Variants in LAMA3 observed in about 807,000 individuals in gnomAD.
The protein encoded by LAMA3 is laminin subunit alpha 3.
LAMA3 carries 281 observed loss-of-function variants against 402.0 expected under a neutral mutation model. The observed-to-expected ratio is 0.70, with a 90% CI of 0.63 to 0.77. The LOEUF (loss-of-function observed/expected upper bound fraction) is 0.77, where lower values mean the gene tolerates loss of function less well. Among genes scored for constraint, LAMA3 ranks in the 30% least tolerant of loss-of-function variants. The probability of loss-of-function intolerance (pLI) is 0.00; values close to 1 mark genes in which losing one functional copy is unlikely to be tolerated. For missense variants in LAMA3, 3,840 were observed against 4,215.5 expected (o/e 0.91, Z 2.47); for synonymous variants, 1,431 against 1,558.4 (o/e 0.92, Z 1.93).
intron 48 of LAMA3, 106 bp from the exon 49 acceptor site, chr18:23,902,894 GTTCAAGAAA>G (rs960327937): frequency 1.3e-4 from 97 of 753,144 alleles, no homozygotes; most frequent in Admixed American, 1.1e-3. Flanking sequence ...CAATGTTCAG[GTTCAAGAAA>G]GCATTCTGAC....
intron 64 of LAMA3, 79 bp from the exon 65 acceptor site, chr18:23,930,983 G>T: frequency 1.5e-6 from 2 of 1,338,438 alleles, no homozygotes; most frequent in Non-Finnish European, 2.1e-6. Flanking sequence ...TACATGGTTT[G>T]GATGATAAAT....
chr18:23,870,967 ATGT>A (rs2064499415), intron 37 of LAMA3, among the ~76,000 whole-genome samples: 2 of 152,224 alleles, frequency 1.3e-5, no homozygotes, highest in Admixed American at 1.3e-4. Flanking sequence ...GGTAAATTTC[ATGT>A]TGTGTGTTTT....
intron 60 of LAMA3, among the ~76,000 whole-genome samples, chr18:23,916,955 C>A (rs1055586674): frequency 4.6e-5 from 7 of 151,254 alleles, no homozygotes; most frequent in Admixed American, 1.3e-4. Context: ...GTTTGGTGCA[C>A]AGATTATTTT....
At chr18:23,697,679 A>T (rs2060708254) in intron 1 of LAMA3, among the ~76,000 whole-genome samples, 1 of 151,566 alleles carries the variant, frequency 6.6e-6, no homozygotes, top group Non-Finnish European at 1.5e-5. Flanking sequence ...TGGTAAGTAT[A>T]ATATAAATAT....
intron 42 of LAMA3, among the ~76,000 whole-genome samples, chr18:23,892,876 T>C: frequency 6.8e-6 from 1 of 146,530 alleles, no homozygotes. Context: ...GCACTCCAGC[T>C]TGGGTGACAA....
chr18:23,847,246 G>T (rs2063837092), intron 31 of LAMA3, among the ~76,000 whole-genome samples: 1 of 152,210 alleles, frequency 6.6e-6, no homozygotes, highest in African/African-American at 2.4e-5. Flanking sequence ...TCCTTGGAGG[G>T]TCTTTCTTGG....
Position 23,847,640 on chromosome 18 carries a change from G to C in LAMA3, c.4108G>C (p.Glu1370Gln), listed in dbSNP as rs1211351433. ...GGGCACCATCGAGGCTGCCATGCCG[G>C]AGTGTGACCGGGACAGCGGGCAGTG... is the stretch of plus-strand genomic sequence containing the variant. The part of the protein sequence containing the change: ...RRGTIEAAMP[E>Q]CDRDSGQCRC... Residue 1370 changes from glutamate (E) to glutamine (Q), a missense_variant, in exon 32 of 75, where the codon GAG (glutamate) becomes CAG (glutamine). This residue lies in a region of LAMA3 where 2,109 missense variants were observed against 2,376.0 expected (regional missense o/e 0.89). Coordinates refer to ENST00000313654, the MANE Select transcript of LAMA3 (RefSeq NM_198129.4). 1 of 1,613,868 alleles carries C rather than the reference G, an allele frequency of 6.2e-7. No homozygotes were observed. The highest frequency in any genetic ancestry group is 8.5e-7 in the Non-Finnish European group (1 of 1,180,024).
chr18:23,774,785 A>T (rs1011588886), intron 9 of LAMA3, among the ~76,000 whole-genome samples: 2 of 152,184 alleles, frequency 1.3e-5, no homozygotes, highest in Non-Finnish European at 2.9e-5. Flanking sequence ...AGATGGATTT[A>T]CTTCTCTCTA....
At chr18:23,731,346 C>T (rs1456546497) in intron 2 of LAMA3, among the ~76,000 whole-genome samples, 1 of 152,166 alleles carries the variant, frequency 6.6e-6, no homozygotes, top group Non-Finnish European at 1.5e-5. Flanking sequence ...TCTTTTAAAA[C>T]ACCCCTCCCA....
At chr18:23,690,096 A>G in intron 1 of LAMA3, 119 bp downstream of exon 1, 1 of 818,820 alleles carries the variant, frequency 1.2e-6, no homozygotes, top group Non-Finnish European at 1.8e-6. Flanking sequence ...GCGACTGGGA[A>G]GGGCAGCCCC....
intron 32 of LAMA3, among the ~76,000 whole-genome samples, chr18:23,852,366 T>A (rs2063965647): frequency 6.6e-6 from 1 of 152,270 alleles, no homozygotes; most frequent in African/African-American, 2.4e-5. Flanking sequence ...TGATTTTATC[T>A]TCTTTTTGTT....
chr18:23,783,770 C>A, intron 11 of LAMA3, among the ~76,000 whole-genome samples: 1 of 151,538 alleles, frequency 6.6e-6, no homozygotes, highest in East Asian at 1.9e-4. Context: ...AATGTTTCCA[C>A]AGGAATAGAT....
intron 62 of LAMA3, among the ~76,000 whole-genome samples, chr18:23,924,969 G>T (rs1422193858): frequency 1.3e-5 from 2 of 152,302 alleles, no homozygotes; most frequent in South Asian, 2.1e-4. Flanking sequence ...AGCTGTTCTG[G>T]GTGTTGCCTC....
At chr18:23,718,804 AC>A (rs1483626504) in intron 2 of LAMA3, among the ~76,000 whole-genome samples, 2 of 152,072 alleles carry the variant, frequency 1.3e-5, no homozygotes, top group African/African-American at 4.8e-5. Flanking sequence ...CCTGCATCTG[AC>A]TTTGCTTCCT....
At chr18:23,923,631 G>T (rs2081917327) in intron 62 of LAMA3, among the ~76,000 whole-genome samples, 1 of 152,206 alleles carries the variant, frequency 6.6e-6, no homozygotes, top group African/African-American at 2.4e-5. Flanking sequence ...CCCACAAGCA[G>T]GCGCACAAAA....
Position 23,696,397 on chromosome 18 carries a change from T to G in LAMA3, c.294+6420T>G, listed in dbSNP as rs1266556368. On this transcript the variant is annotated intron_variant, in intron 1 of 74. Transcript: ENST00000313654. ...TAAACTTATTGAGTTCTCTTTCTTTTATTTTATTTCATTATCTTCTAGGTA... is the reference window on the plus strand; with the variant it reads ...TAAACTTATTGAGTTCTCTTTCTTTGATTTTATTTCATTATCTTCTAGGTA... Among the ~76,000 whole-genome samples, 3 of 152,244 alleles carry G rather than the reference T, an allele frequency of 2.0e-5. No individual in the cohort carries two copies. In the East Asian group the frequency reaches 5.8e-4, roughly 29 times the overall value.
chr18:23,884,041 C>T (rs561128786), intron 40 of LAMA3, among the ~76,000 whole-genome samples: 66 of 142,958 alleles, frequency 4.6e-4, no homozygotes, highest in African/African-American at 1.4e-3. Context: ...TTTTCATGGT[C>T]TCTTTGGTGT....
chr18:23,810,425 T>G lies in LAMA3; in HGVS notation c.1663T>G (p.Cys555Gly). The G allele has an allele frequency of 6.2e-7, 1 of 1,614,132 alleles. No individual in the cohort carries two copies. ...GCCCTGCAGCTCAGTGACTGGACAG[T>G]GTGAATGTCGGCCAGGAGTTACAGG... ...QMPCSSVTGQCECRPGVTGQR... is the reference protein window; with the variant it reads ...QMPCSSVTGQGECRPGVTGQR... Residue 555 changes from cysteine (C) to glycine (G), a missense_variant, in exon 13 of 75, where the codon TGT becomes GGT. Transcript: ENST00000313654.
intron 13 of LAMA3, among the ~76,000 whole-genome samples, chr18:23,811,692 A>G (rs1210766876): frequency 1.3e-5 from 2 of 151,992 alleles, no homozygotes; most frequent in Admixed American, 6.5e-5. Flanking sequence ...TGTGTTGGGT[A>G]TTACGGAAAA....
Sources: gnomAD v4.1 joint callset for allele counts (sites outside exome capture counted in the v4.1 genomes callset) on GRCh38, gnomAD v4.1.1 for gene constraint, gnomAD v4.1.1 regional missense constraint, MANE v1.5 for transcripts, NCBI Gene and HGNC (gene_info 2026-07-23, HGNC 2026-07-21) for gene names.